Variants in ECSCR observed in about 807,000 individuals in gnomAD.
The protein encoded by ECSCR is endothelial cell surface expressed chemotaxis and apoptosis regulator.
A neutral mutation model predicts 16.7 loss-of-function variants in ECSCR; 12 were observed. The ratio of observed to expected loss-of-function variants is 0.72; its 90% confidence interval spans 0.46 to 1.17. ECSCR has a LOEUF of 1.17. Among genes scored for constraint, ECSCR ranks in the 50% most tolerant of loss-of-function variants. ECSCR has a pLI of 0.00. For synonymous variants in ECSCR, 44 were observed against 42.2 expected (o/e 1.04, Z -0.17); for missense variants, 122 against 116.1 (o/e 1.05, Z -0.23).
In ECSCR at chr5:139,462,682, A is replaced by C. The variant is rs1229209999; in HGVS notation, c.-12T>G. The C allele has an allele frequency of 7.5e-7, 1 of 1,331,828 alleles. No homozygotes were observed. Among genetic ancestry groups the C allele is most frequent in the Admixed American group, 2.1e-5 (1 of 46,524 alleles). 82.5% of individuals were successfully genotyped at this position (1,331,828 alleles called of 1,614,324 possible). ...CCTGCGGTGCCCATGTCAGCTGGGT[A>C]TGTGGCGGGCAGGCAGCAGCTCAGT... On this transcript the variant is annotated 5_prime_UTR_variant, in exon 1 of 10. Transcript: ENST00000618155.
At chr5:139,452,165 T>C (rs1751067668) in intron 8 of ECSCR, among the ~76,000 whole-genome samples, 1 of 135,406 alleles carries the variant, frequency 7.4e-6, no homozygotes, top group South Asian at 2.4e-4. Context: ...GGGGTGTGTG[T>C]GTAGTATATG....
intron 5 of ECSCR, among the ~76,000 whole-genome samples, 176 bp from the exon 6 acceptor site, chr5:139,455,612 G>A (rs1044222985): frequency 4.6e-5 from 7 of 152,100 alleles, no homozygotes; most frequent in Admixed American, 3.3e-4. Flanking sequence ...TGGGAGGAAT[G>A]TTTCTGCTCA....
intron 8 of ECSCR, 57 bp from the exon 9 acceptor site, chr5:139,449,231 T>TC: frequency 7.8e-7 from 1 of 1,288,028 alleles, no homozygotes; most frequent in East Asian, 2.5e-5. Context: ...CAATGGGGAG[T>TC]CAAGGAACTG....
chr5:139,450,707 C>T (rs1255359050), intron 8 of ECSCR, among the ~76,000 whole-genome samples: 3 of 147,402 alleles, frequency 2.0e-5, no homozygotes, highest in African/African-American at 5.0e-5. Context: ...ACCTGGGAGG[C>T]GGAGGTTGCA....
At chr5:139,457,505 C>A (rs765904764) in intron 4 of ECSCR, 40 bp downstream of exon 4, 4 of 780,970 alleles carry the variant, frequency 5.1e-6, no homozygotes, top group Admixed American at 1.7e-5. Flanking sequence ...CCTCACTGGG[C>A]CCTCCCTGGA....
Position 139,462,602 on chromosome 5 carries a change from C to T in ECSCR, c.61+8G>A, listed in dbSNP as rs919796968. On this transcript the variant is annotated splice_region_variant and intron_variant, in intron 1 of 9. Transcript: ENST00000618155. ...AATTGCCATGGGAAAGCGGCAGGCA[C>T]CTCTTACCTCGGAACAGGAGGAAGC... is the stretch of plus-strand genomic sequence containing the variant. The T allele has an allele frequency of 3.1e-6, 5 of 1,593,640 alleles. No homozygotes were observed. The highest frequency in any genetic ancestry group is 2.3e-5 in the South Asian group (2 of 87,448).
Position 139,450,824 on chromosome 5 carries a change from T to C in ECSCR, c.513-1650A>G, listed in dbSNP as rs1751025133. Among the ~76,000 whole-genome samples the C allele has an allele frequency of 3.3e-5, 5 of 152,214 alleles. No homozygotes were observed. The South Asian group carries it at 1.0e-3, about 32-fold the overall frequency. On this transcript the variant is annotated intron_variant, in intron 8 of 9. Transcript: ENST00000618155. ...ACCTTGAATAATTGCTATAAAGATT[T>C]GAGATAATATTATAAAATATATACC...
chr5:139,455,355 G>C lies in ECSCR; in HGVS notation c.344C>G (p.Thr115Arg), dbSNP rs1325086759. Residue 115 changes from threonine (T) to arginine (R), a missense_variant, in exon 6 of 10, where the codon ACG becomes AGG. Transcript: ENST00000618155. The part of the protein sequence containing the change: ...REDATILPSP[T>R]SETVLTVAAF... ...AGCCACAGTGAGCACAGTCTCTGAC[G>C]TGGGGCTGGGCAGGATGGTCGCATC... 1.5e-5 allele frequency: 6 copies of C among 398,622 alleles called. No individual in the cohort carries two copies. Among genetic ancestry groups the C allele is most frequent in the Non-Finnish European group, 2.2e-5 (5 of 226,168 alleles). The allele number at this position is 398,622 out of a possible 1,614,324, so 24.7% of individuals were successfully genotyped here.
At chr5:139,451,513 G>C (rs1751047845) in intron 8 of ECSCR, among the ~76,000 whole-genome samples, 1 of 147,264 alleles carries the variant, frequency 6.8e-6, no homozygotes, top group Non-Finnish European at 1.5e-5. Context: ...TGGTGTGAGT[G>C]TGTATAGTAT....
intron 1 of ECSCR, among the ~76,000 whole-genome samples, chr5:139,461,471 A>G (rs1407107427): frequency 1.3e-5 from 2 of 152,188 alleles, no homozygotes; most frequent in African/African-American, 2.4e-5. Flanking sequence ...ACAGCAGCTT[A>G]GGTACAGCCG....
intron 1 of ECSCR, among the ~76,000 whole-genome samples, chr5:139,461,601 A>G (rs1043259633): frequency 2.6e-5 from 4 of 152,162 alleles, no homozygotes; most frequent in African/African-American, 9.7e-5. Context: ...TTTCCACAAC[A>G]GCCTTGTTCC....
At chr5:139,452,138 GGTA>G (rs1751066733) in intron 8 of ECSCR, among the ~76,000 whole-genome samples, 1 of 147,820 alleles carries the variant, frequency 6.8e-6, no homozygotes, top group Non-Finnish European at 1.5e-5. Flanking sequence ...GGGTGTGTGT[GGTA>G]TGTGGATGTG....
At chr5:139,453,942 G>C (rs1372874763) in intron 8 of ECSCR, among the ~76,000 whole-genome samples, 8 of 148,938 alleles carry the variant, frequency 5.4e-5, no homozygotes, top group African/African-American at 1.5e-4. Flanking sequence ...GGGTGTGTAT[G>C]AGATGTGTGG....
intron 5 of ECSCR, among the ~76,000 whole-genome samples, chr5:139,456,267 A>G (rs1037184206): frequency 0.039 from 5,888 of 152,152 alleles, 143 homozygotes; most frequent in Middle Eastern, 0.078. Context: ...CTTCTCAACA[A>G]AAAAAAGGTG....
At chr5:139,459,899 C>A (rs2152090120) in intron 1 of ECSCR, among the ~76,000 whole-genome samples, 1 of 152,280 alleles carries the variant, frequency 6.6e-6, no homozygotes, top group South Asian at 2.1e-4. Flanking sequence ...TAATTGCTTC[C>A]AAGTGTAAAA....
rs1413397455 is a variant in ECSCR, at chr5:139,456,450, C to T, written c.262+24G>A. 7 of 398,510 alleles carry T rather than the reference C, an allele frequency of 1.8e-5. 1 individual carries two copies. The highest frequency in any genetic ancestry group is 1.0e-4 in the African/African-American group (5 of 48,630). 24.7% of individuals were successfully genotyped at this position (398,510 alleles called of 1,614,324 possible). A position where few individuals can be genotyped will look rare whatever the true frequency, so the allele number is the denominator to read the frequency against. ...CAGACATCTCCTGCCGACTTCTCTT[C>T]AGGGCGAGTGCAGCAGGACATACCT... On this transcript the variant is annotated intron_variant, in intron 5 of 9. Transcript: ENST00000618155.
chr5:139,457,692 C>G (rs1751189167), intron 3 of ECSCR, 65 bp downstream of exon 3: 1 of 1,590,760 alleles, frequency 6.3e-7, no homozygotes, highest in Non-Finnish European at 8.6e-7. Context: ...CCCCTGGGCT[C>G]CAAGCAGGTC....
At chr5:139,457,973 GAA>G (rs976701623) in intron 2 of ECSCR, 164 bp downstream of exon 2, 2 of 621,684 alleles carry the variant, frequency 3.2e-6, no homozygotes, top group African/African-American at 4.0e-5. Flanking sequence ...CAGCTAGGCT[GAA>G]AAAAAATCCT....
chr5:139,448,801 T>C lies in ECSCR; in HGVS notation c.*99A>G. 2 of 1,513,850 alleles carry C rather than the reference T, an allele frequency of 1.3e-6. No individual in the cohort carries two copies. Among genetic ancestry groups the C allele is most frequent in the African/African-American group, 2.8e-5 (2 of 71,804 alleles). The allele number at this position is 1,513,850 out of a possible 1,614,324, so 93.8% of individuals were successfully genotyped here. On this transcript the variant is annotated 3_prime_UTR_variant, in exon 10 of 10. Coordinates refer to ENST00000618155, the MANE Select transcript of ECSCR (RefSeq NM_001077693.4). ...AGCAGACATGAAACAATAAAATAATTTACATGTGGTTCATTGCCTCTACTA... is the reference window on the plus strand; with the variant it reads ...AGCAGACATGAAACAATAAAATAATCTACATGTGGTTCATTGCCTCTACTA...
Sources: allele counts gnomAD v4.1 joint callset (sites outside exome capture counted in the v4.1 genomes callset), GRCh38; gene constraint gnomAD v4.1.1; transcripts MANE v1.5; gene names NCBI Gene and HGNC (gene_info 2026-07-23, HGNC 2026-07-21).